Variants in PIP5K1B observed in about 807,000 individuals in gnomAD.
PIP5K1B encodes the protein phosphatidylinositol 4-phosphate 5-kinase type-1 beta.
A neutral mutation model predicts 67.0 loss-of-function variants in PIP5K1B; 42 were observed. That is an observed-to-expected ratio of 0.63 (90% confidence interval 0.49 to 0.81). The LOEUF (loss-of-function observed/expected upper bound fraction) is 0.81. Among genes scored for constraint, PIP5K1B ranks in the 30% least tolerant of loss-of-function variants. The pLI is 0.00. For missense variants in PIP5K1B, 459 were observed against 646.3 expected, an observed-to-expected ratio of 0.71 and a Z score of 3.14; for synonymous variants, 214 against 231.4, an observed-to-expected ratio of 0.92 and a Z score of 0.68.
At chr9:68,959,224 A>T (rs1444901764) in intron 14 of PIP5K1B, among the ~76,000 whole-genome samples, 1 of 152,222 alleles carries the variant, frequency 6.6e-6, no homozygotes. Context: ...CTACCTTAAT[A>T]CAATCATTAA....
In PIP5K1B at chr9:69,008,610, G is replaced by A; in HGVS notation, c.*161G>A. 6 of 712,312 alleles carry A rather than the reference G, an allele frequency of 8.4e-6. No individual in the cohort carries two copies. The highest frequency in any genetic ancestry group is 1.6e-5 in the Non-Finnish European group (6 of 386,420). The allele number at this position is 712,312 out of a possible 1,614,324, so 44.1% of individuals were successfully genotyped here. A position where few individuals can be genotyped will look rare whatever the true frequency, so the allele number is the denominator to read the frequency against. ...AGAGTTTTCAAGATGTCAACTTCAG[G>A]CTGATCAGCAGATGGGATGTGAAAA... On this transcript the variant is annotated 3_prime_UTR_variant, in exon 16 of 16. Coordinates refer to ENST00000265382, the MANE Select transcript of PIP5K1B (RefSeq NM_003558.4).
At chr9:68,798,068 G>A (rs533448872) in intron 2 of PIP5K1B, among the ~76,000 whole-genome samples, 85 of 150,970 alleles carry the variant, frequency 5.6e-4, no homozygotes, top group African/African-American at 1.9e-3. Context: ...TTCATTCCCC[G>A]TGGAGTTCCA....
At chr9:68,883,211 C>T (rs537508820) in intron 6 of PIP5K1B, among the ~76,000 whole-genome samples, 5 of 152,356 alleles carry the variant, frequency 3.3e-5, no homozygotes, top group South Asian at 2.1e-4. Flanking sequence ...ACAAATCTCA[C>T]GCCCTTTTCA....
At chr9:68,742,131 A>G (rs1014306874) in intron 1 of PIP5K1B, 3 of 152,218 alleles carry the variant, frequency 2.0e-5, no homozygotes, top group African/African-American at 7.2e-5. Flanking sequence ...TTTCAACATC[A>G]GAGAGCCTAT....
intron 12 of PIP5K1B, 81 bp downstream of exon 12, chr9:68,923,467 C>A: frequency 1.4e-6 from 1 of 704,918 alleles, no homozygotes; most frequent in Non-Finnish European, 2.4e-6. Flanking sequence ...ATTGGAAGAA[C>A]TAACACATTT....
chr9:68,936,174 T>C (rs1827258169), intron 13 of PIP5K1B, among the ~76,000 whole-genome samples: 1 of 152,162 alleles, frequency 6.6e-6, no homozygotes, highest in Admixed American at 6.5e-5. Flanking sequence ...ACACCCTTTT[T>C]GTCTTTTTTT....
intron 5 of PIP5K1B, among the ~76,000 whole-genome samples, chr9:68,865,609 C>A (rs1251508519): frequency 6.6e-6 from 1 of 152,196 alleles, no homozygotes; most frequent in Admixed American, 6.5e-5. Flanking sequence ...CTCCCCCTAT[C>A]CTCACTGACT....
intron 11 of PIP5K1B, among the ~76,000 whole-genome samples, chr9:68,922,735 T>C (rs1202597673): frequency 6.6e-6 from 1 of 152,208 alleles, no homozygotes. Flanking sequence ...AATTCAACTC[T>C]ATGCAATCAG....
rs367784409 is a variant in PIP5K1B at position 68,919,543 on chromosome 9, G to A, written c.1048G>A (p.Asp350Asn). 3.8e-6 allele frequency: 6 copies of A among 1,590,106 alleles called. No homozygotes were observed. Among genetic ancestry groups the A allele is most frequent in the South Asian group, 1.1e-5 (1 of 88,910 alleles). ...ACTACTTTTATTTATGGGCATTATTGACATTCTGCAATCATATAGGTAAGA... is the reference window on the plus strand; with the variant it reads ...ACTACTTTTATTTATGGGCATTATTAACATTCTGCAATCATATAGGTAAGA... Reference protein sequence around the residue: ...EKLLLFMGIIDILQSYRLMKK... With the variant: ...EKLLLFMGIINILQSYRLMKK... The change falls in exon 10 of 16, where the codon GAC becomes AAC. Residue 350 changes from aspartate to asparagine, a missense_variant. Transcript: ENST00000265382.
intron 6 of PIP5K1B, among the ~76,000 whole-genome samples, chr9:68,884,016 G>A (rs1265255394): frequency 6.6e-6 from 1 of 152,142 alleles, no homozygotes; most frequent in Non-Finnish European, 1.5e-5. Flanking sequence ...ATGGATTAAA[G>A]TCTTAAATGG....
chr9:68,778,361 GTTC>G (rs1831029451), intron 2 of PIP5K1B, among the ~76,000 whole-genome samples: 1 of 152,120 alleles, frequency 6.6e-6, no homozygotes. Context: ...TCCACCTTGT[GTTC>G]TTCTGCTTCA....
intron 2 of PIP5K1B, among the ~76,000 whole-genome samples, chr9:68,757,198 A>T (rs1537885): frequency 7.9e-5 from 12 of 152,064 alleles, no homozygotes; most frequent in Non-Finnish European, 1.3e-4. Context: ...TGTCAGTTAC[A>T]GGCTTATCAA....
At chr9:68,964,832 C>T (rs1025214283) in intron 14 of PIP5K1B, among the ~76,000 whole-genome samples, 1 of 152,210 alleles carries the variant, frequency 6.6e-6, no homozygotes, top group Non-Finnish European at 1.5e-5. Flanking sequence ...TTCTGGAATT[C>T]TCTTAGCTCC....
chr9:68,991,442 CAAAA>C (rs1564299518), intron 15 of PIP5K1B, among the ~76,000 whole-genome samples, 185 bp downstream of exon 15: 1 of 152,284 alleles, frequency 6.6e-6, no homozygotes, highest in East Asian at 1.9e-4. Context: ...ATTTATTACA[CAAAA>C]GAACATCTAG....
chr9:68,781,895 C>T (rs1831308244), intron 2 of PIP5K1B: 1 of 166,842 alleles, frequency 6.0e-6, no homozygotes, highest in African/African-American at 2.4e-5. Flanking sequence ...ATGTGGGAAA[C>T]GTGTGGGAAG....
intron 2 of PIP5K1B, among the ~76,000 whole-genome samples, chr9:68,793,551 T>A (rs1384091178): frequency 2.6e-5 from 4 of 152,058 alleles, no homozygotes; most frequent in Non-Finnish European, 5.9e-5. Context: ...AAGAGAGAAG[T>A]TAAGCATAAC....
intron 2 of PIP5K1B, chr9:68,781,828 C>T (rs1322885340): frequency 2.4e-5 from 4 of 166,776 alleles, no homozygotes; most frequent in Non-Finnish European, 2.9e-5. Context: ...TCTTTGCCCA[C>T]TATACATAGG....
intron 2 of PIP5K1B, among the ~76,000 whole-genome samples, chr9:68,772,044 A>G (rs1830693037): frequency 6.6e-6 from 1 of 152,232 alleles, no homozygotes; most frequent in Non-Finnish European, 1.5e-5. Flanking sequence ...CTTTCTCCAT[A>G]ATACTCCTTT....
At position 68,868,384 on chromosome 9, in the gene PIP5K1B, A is replaced by G. The variant is rs140857441; in HGVS notation, c.200+4417A>G. Among the ~76,000 whole-genome samples the G allele has an allele frequency of 2.2e-3, 338 of 152,336 alleles. 2 individuals are homozygous for G. Among genetic ancestry groups the G allele is most frequent in the African/African-American group, 7.8e-3 (326 of 41,578 alleles). On this transcript the variant is annotated intron_variant, in intron 5 of 15. Coordinates refer to ENST00000265382, the MANE Select transcript of PIP5K1B (RefSeq NM_003558.4). ...TTCATATAGTAAATTGACTTATATA[A>G]CATATATTAATTTTTATTATCTTTC...
Sources: gnomAD v4.1 joint callset for allele counts (sites outside exome capture counted in the v4.1 genomes callset) on GRCh38, gnomAD v4.1.1 for gene constraint, MANE v1.5 for transcripts, NCBI Gene and HGNC (gene_info 2026-07-23, HGNC 2026-07-21) for gene names.